Variants in C6orf120 observed in about 807,000 individuals in gnomAD.
The protein encoded by C6orf120 is chromosome 6 open reading frame 120, also known as UPF0669 protein C6orf120.
For synonymous variants in C6orf120, 165 were observed against 123.1 expected, an observed-to-expected ratio of 1.34 and a Z score of -2.25; for missense variants, 311 against 264.2, an observed-to-expected ratio of 1.18 and a Z score of -1.23.
chr6:169,706,206 T>C (rs540620382), downstream of C6orf120, among the ~76,000 whole-genome samples: 15 of 152,278 alleles, frequency 9.9e-5, no homozygotes, highest in South Asian at 3.1e-3. Context: ...CTTATCCTCA[T>C]TGGTATAGTG....
Position 169,704,831 on chromosome 6 carries a change from G to C in C6orf120, c.*1796G>C, listed in dbSNP as rs867743214. 7.2e-5 allele frequency: 18 copies of C among 250,428 alleles called. 1 individual carries two copies. In the Middle Eastern group the frequency reaches 5.4e-3, roughly 75 times the overall value. The allele number at this position is 250,428 out of a possible 1,614,324, so 15.5% of individuals were successfully genotyped here. On this transcript the variant is annotated 3_prime_UTR_variant, in exon 1 of 1. Transcript: ENST00000332290. ...GCAGTCATTTTGTTGTTTCTAAATA[G>C]ATAACATATAAAAATAAAGGCTTTG...
At chr6:169,706,078 T>A (rs1235986162), downstream of C6orf120, among the ~76,000 whole-genome samples, 1 of 152,200 alleles carries the variant, frequency 6.6e-6, no homozygotes, top group Non-Finnish European at 1.5e-5. Flanking sequence ...ATGACCATTA[T>A]GTGTAAGACT....
At chr6:169,702,773 C>G (rs750514206) in exon 1 of C6orf120, 7 of 1,613,254 alleles carry the variant, frequency 4.3e-6, no homozygotes, top group Non-Finnish European at 5.9e-6. Flanking sequence ...GACGCCGTGT[C>G]CATCCCCGCG....
exon 1 of C6orf120, chr6:169,702,534 T>C (rs750098256): frequency 1.9e-6 from 3 of 1,611,730 alleles, no homozygotes. Context: ...AGGTCCTGTC[T>C]CCGGGAAGCT....
chr6:169,704,401 T>G, exon 1 of C6orf120: 1 of 303,538 alleles, frequency 3.3e-6, no homozygotes, highest in Admixed American at 5.2e-5. Flanking sequence ...TCAAAACCCA[T>G]TCCGGAATTT....
chr6:169,702,484 G>A (rs1562975947), exon 1 of C6orf120: 2 of 1,571,370 alleles, frequency 1.3e-6, no homozygotes, highest in East Asian at 2.4e-5. Flanking sequence ...CGGGAGGGCC[G>A]CGCCCTGGAC....
At chr6:169,705,152 G>A (rs772473176), downstream of C6orf120, 4 of 1,609,036 alleles carry the variant, frequency 2.5e-6, no homozygotes, top group Non-Finnish European at 3.4e-6. Context: ...TAGCACCAAG[G>A]CCCACACAAA....
exon 1 of C6orf120, chr6:169,702,744 A>G (rs775269048): frequency 5.6e-6 from 9 of 1,613,338 alleles, no homozygotes; most frequent in Admixed American, 1.7e-5. Context: ...ACGAGCTGCA[A>G]TCGGCCACCT....
At chr6:169,702,154 C>T (rs1383562563), upstream of C6orf120, 4 of 620,174 alleles carry the variant, frequency 6.4e-6, no homozygotes, top group Non-Finnish European at 1.2e-5. Flanking sequence ...GCTCCGGCCT[C>T]GGGTCCGGAT....
downstream of C6orf120, chr6:169,705,697 C>A: frequency 6.3e-7 from 1 of 1,584,652 alleles, no homozygotes; most frequent in Non-Finnish European, 8.7e-7. Flanking sequence ...AGACAAATTC[C>A]ACATATAGCA....
exon 1 of C6orf120, chr6:169,704,571 T>A (rs1788705754): frequency 5.9e-6 from 1 of 170,398 alleles, no homozygotes; most frequent in South Asian, 2.0e-4. Context: ...AGAAAAATAA[T>A]TATGTTGCTT....
exon 1 of C6orf120, chr6:169,702,780 C>T (rs1260847771): frequency 1.2e-6 from 2 of 1,613,192 alleles, no homozygotes; most frequent in East Asian, 2.2e-5. Flanking sequence ...TGTCCATCCC[C>T]GCGCACTTCC....
At chr6:169,705,615 C>T (rs747986925), downstream of C6orf120, 11 of 1,326,486 alleles carry the variant, frequency 8.3e-6, no homozygotes, top group Non-Finnish European at 1.2e-5. Context: ...TCAATACTTA[C>T]CACTATTCTC....
downstream of C6orf120, chr6:169,705,116 C>G (rs1339539076): frequency 6.4e-7 from 1 of 1,571,546 alleles, no homozygotes; most frequent in East Asian, 2.3e-5. Context: ...AATGTTTGCT[C>G]TTTTTTTAAT....
chr6:169,703,203 A>G (rs1788532846), exon 1 of C6orf120: 1 of 669,478 alleles, frequency 1.5e-6, no homozygotes, highest in Admixed American at 2.9e-5. Flanking sequence ...CAAAAATAGG[A>G]AAAGCAGCAA....
chr6:169,705,088 G>A, downstream of C6orf120: 1 of 1,430,488 alleles, frequency 7.0e-7, no homozygotes, highest in South Asian at 1.3e-5. Flanking sequence ...TGCTGGGAGA[G>A]TCTCATCACC....
chr6:169,702,792 G>A, exon 1 of C6orf120: 1 of 1,613,086 alleles, frequency 6.2e-7, no homozygotes, highest in Non-Finnish European at 8.5e-7. Context: ...CGCACTTCCG[G>A]CGCCCAGTGG....
At chr6:169,702,177 G>GC (rs1303140313), upstream of C6orf120, 8 of 653,196 alleles carry the variant, frequency 1.2e-5, no homozygotes, top group African/African-American at 7.1e-5. Flanking sequence ...ATAAAGCGCG[G>GC]CCCCCTGCGG....
downstream of C6orf120, chr6:169,705,147 C>G: frequency 6.2e-7 from 1 of 1,608,428 alleles, no homozygotes; most frequent in Non-Finnish European, 8.5e-7. Flanking sequence ...TGGAATAGCA[C>G]CAAGGCCCAC....
Sources: allele counts gnomAD v4.1 joint callset (sites outside exome capture counted in the v4.1 genomes callset), GRCh38; gene constraint gnomAD v4.1.1; transcripts MANE v1.5; gene names NCBI Gene and HGNC (gene_info 2026-07-23, HGNC 2026-07-21).